The following OIT3 variants were observed in gnomAD, a reference collection of about 807,000 sequenced individuals.
OIT3 encodes oncoprotein induced transcript 3.
Under a neutral mutation model 52.2 loss-of-function variants are expected in OIT3, and 41 were observed. That is an observed-to-expected ratio of 0.79 (90% confidence interval 0.61 to 1.02). OIT3 has a LOEUF of 1.02. Among genes scored for constraint, OIT3 ranks in the 50% least tolerant of loss-of-function variants. The pLI, the probability that OIT3 is intolerant of heterozygous loss-of-function variation, is 0.00. For missense variants in OIT3, 634 were observed against 715.5 expected, an observed-to-expected ratio of 0.89 and a Z score of 1.30; for synonymous variants, 244 against 276.9, an observed-to-expected ratio of 0.88 and a Z score of 1.18.
At position 72,906,665 on chromosome 10, in the gene OIT3, G is replaced by T. The variant is rs763495337; in HGVS notation, c.614G>T (p.Arg205Leu). ...EICVNLKNSY[R>L]CECGVGRVLR... Reference sequence around the variant, plus strand: ...TGTGTGAACCTCAAAAACTCCTACCGCTGTGAGTGTGGGGTTGGCCGTGTG... The same window carrying T: ...TGTGTGAACCTCAAAAACTCCTACCTCTGTGAGTGTGGGGTTGGCCGTGTG... Residue 205 changes from arginine to leucine, a missense_variant, in exon 4 of 9, where the codon CGC becomes CTC. Physicochemically the swap from Arg to Leu is moderately radical, Grantham distance 102. Transcript: ENST00000334011. The T allele has an allele frequency of 6.2e-7, 1 of 1,612,124 alleles. No homozygotes were observed. Among genetic ancestry groups the T allele is most frequent in the South Asian group, 1.1e-5 (1 of 90,804 alleles).
chr10:72,906,777 C>A (rs1459157745), intron 4 of OIT3, 59 bp downstream of exon 4: 1 of 1,477,770 alleles, frequency 6.8e-7, no homozygotes, highest in African/African-American at 1.4e-5. Flanking sequence ...CTGGCTTATT[C>A]TCTGATGTTC....
rs754024961 is a variant in OIT3 at position 72,911,826 on chromosome 10, CCACACT to C, written c.778_783del (p.His260_Thr261del). 6.2e-7 allele frequency: 1 copy of C among 1,613,322 alleles called. No individual in the cohort carries two copies. Among genetic ancestry groups the C allele is most frequent in the South Asian group, 1.1e-5 (1 of 90,982 alleles). On this transcript the variant is annotated inframe_deletion, in exon 5 of 9. Coordinates refer to ENST00000334011, the MANE Select transcript of OIT3 (RefSeq NM_152635.3). ...GGGGCCTGGTGCTGTCTGAGGATAACCACACTTGCCAAGGTAGTACATGGGGCAGGG... is the reference window on the plus strand; with the variant it reads ...GGGGCCTGGTGCTGTCTGAGGATAACTGCCAAGGTAGTACATGGGGCAGGG...
intron 1 of OIT3, among the ~76,000 whole-genome samples, chr10:72,895,593 C>G (rs1845868723): frequency 6.6e-6 from 1 of 152,168 alleles, no homozygotes; most frequent in Non-Finnish European, 1.5e-5. Context: ...AGGAGGGGCA[C>G]TTCCCGACCA....
intron 3 of OIT3, among the ~76,000 whole-genome samples, chr10:72,900,733 G>C (rs1845924849): frequency 1.3e-5 from 2 of 152,176 alleles, no homozygotes; most frequent in South Asian, 2.1e-4. Flanking sequence ...AATGTGGCTA[G>C]TGTGACTGAA....
At chr10:72,919,022 T>C (rs1439368071) in intron 6 of OIT3, among the ~76,000 whole-genome samples, 1 of 152,238 alleles carries the variant, frequency 6.6e-6, no homozygotes, top group African/African-American at 2.4e-5. Context: ...GGTAGTTTAA[T>C]GGGAAAGCAG....
intron 4 of OIT3, among the ~76,000 whole-genome samples, chr10:72,907,235 T>G (rs1845988777): frequency 6.6e-6 from 1 of 152,084 alleles, no homozygotes; most frequent in Admixed American, 6.5e-5. Context: ...ATTGCGCCAC[T>G]GCACTCCAGC....
At chr10:72,911,052 C>T (rs1397144286) in intron 4 of OIT3, among the ~76,000 whole-genome samples, 1 of 151,688 alleles carries the variant, frequency 6.6e-6, no homozygotes, top group Non-Finnish European at 1.5e-5. Flanking sequence ...AATATTTTTC[C>T]TTTTTGTCCA....
chr10:72,925,896 C>G (rs901607097), intron 7 of OIT3, among the ~76,000 whole-genome samples: 1 of 152,206 alleles, frequency 6.6e-6, no homozygotes, highest in Admixed American at 6.5e-5. Flanking sequence ...TGTGAGACAC[C>G]ATGTTTGGCC....
intron 3 of OIT3, among the ~76,000 whole-genome samples, chr10:72,902,284 G>A (rs565708857): frequency 1.2e-4 from 19 of 152,204 alleles, no homozygotes; most frequent in African/African-American, 4.6e-4. Context: ...TTTATTTTAA[G>A]CCAGGAGTTG....
chr10:72,923,110 C>G (rs1175574984), intron 6 of OIT3, among the ~76,000 whole-genome samples: 1 of 152,202 alleles, frequency 6.6e-6, no homozygotes, highest in Non-Finnish European at 1.5e-5. Context: ...CCCCTGACTT[C>G]AGGTGATCCA....
At chr10:72,915,633 G>A (rs143668885) in intron 6 of OIT3, among the ~76,000 whole-genome samples, 12 of 152,252 alleles carry the variant, frequency 7.9e-5, no homozygotes, top group African/African-American at 2.9e-4. Context: ...CATTTTCCCT[G>A]TAAGGATCTC....
Position 72,913,398 on chromosome 10 carries a change from G to A in OIT3, c.881G>A (p.Cys294Tyr), listed in dbSNP as rs1846047297. Residue 294 changes from cysteine (C) to tyrosine (Y), a missense_variant, in exon 6 of 9, where the codon TGC (cysteine) becomes TAC (tyrosine). Physicochemically the swap from Cys to Tyr is radical, Grantham distance 194 (BLOSUM62 -2). Coordinates refer to ENST00000334011, the MANE Select transcript of OIT3 (RefSeq NM_152635.3). ...GLELFLTNTS[C>Y]RGVSNGTHVN... Reference sequence around the variant, plus strand: ...GAGCTCTTCCTGACCAACACCTCCTGCCGAGGAGTGTCCAACGGCACCCAT... The same window carrying A: ...GAGCTCTTCCTGACCAACACCTCCTACCGAGGAGTGTCCAACGGCACCCAT... 6.2e-7 allele frequency: 1 copy of A among 1,613,672 alleles called. No individual in the cohort carries two copies. The highest frequency in any genetic ancestry group is 8.5e-7 in the Non-Finnish European group (1 of 1,179,752).
chr10:72,923,094 C>G (rs576237445), intron 6 of OIT3, among the ~76,000 whole-genome samples: 123 of 152,282 alleles, frequency 8.1e-4, no homozygotes, highest in African/African-American at 2.0e-3. Context: ...GGCCACTGGT[C>G]TCTAACCCCT....
chr10:72,907,641 T>A (rs1212370393), intron 4 of OIT3, among the ~76,000 whole-genome samples: 1 of 152,202 alleles, frequency 6.6e-6, no homozygotes, highest in Non-Finnish European at 1.5e-5. Flanking sequence ...GGGTGATTTT[T>A]ATCATCTTGG....
intron 7 of OIT3, among the ~76,000 whole-genome samples, chr10:72,928,844 T>C (rs1846190356): frequency 6.6e-6 from 1 of 152,192 alleles, no homozygotes; most frequent in African/African-American, 2.4e-5. Flanking sequence ...CTAGTCAAGA[T>C]GCCTTATTTT....
chr10:72,932,518 G>A lies in OIT3; in HGVS notation c.1632G>A (p.Glu544=). 1 of 1,601,048 alleles carries A rather than the reference G, an allele frequency of 6.2e-7. No homozygotes were observed. The change falls in exon 9 of 9, where the codon GAG becomes GAA. Residue 544 remains glutamate (E), a synonymous_variant. Coordinates refer to ENST00000334011, the MANE Select transcript of OIT3 (RefSeq NM_152635.3). The stretch of plus-strand genomic sequence containing the variant: ...GCGGCCCGATCCGCATCGACTGGGA[G>A]GACTAGTTCGTAGCCATACCTCGAG... ...LTGGPIRIDW[E]D is the part of the protein sequence containing the mutation.
In OIT3 at chr10:72,914,254, C is replaced by T. The variant is rs547797995; in HGVS notation, c.951+786C>T. ...AAAGTAGGTGGGGTGGGCTGAGCTT[C>T]CAAAGGCCTGCCTTGTGTGCTAGGG... On this transcript the variant is annotated intron_variant, in intron 6 of 8. Transcript: ENST00000334011. 7.2e-5 allele frequency among the ~76,000 whole-genome samples: 11 copies of T among 152,234 alleles called. 1 individual carries two copies. The South Asian group carries it at 2.3e-3, about 32-fold the overall frequency.
chr10:72,918,598 A>G, intron 6 of OIT3: 1 of 770,562 alleles, frequency 1.3e-6, no homozygotes, highest in South Asian at 1.4e-5. Flanking sequence ...ACTGCTCAAG[A>G]GAACAGCCGC....
chr10:72,901,406 A>G (rs1407751329), intron 3 of OIT3, among the ~76,000 whole-genome samples: 1 of 152,222 alleles, frequency 6.6e-6, no homozygotes, highest in Non-Finnish European at 1.5e-5. Context: ...AAGAGAACAG[A>G]GATGAAAACC....
Sources: gnomAD v4.1 joint callset for allele counts (sites outside exome capture counted in the v4.1 genomes callset) on GRCh38, gnomAD v4.1.1 for gene constraint, MANE v1.5 for transcripts, NCBI Gene and HGNC (gene_info 2026-07-23, HGNC 2026-07-21) for gene names.